Variants in DZIP3 observed in about 807,000 individuals in gnomAD.
DZIP3 encodes DAZ interacting zinc finger protein 3.
In DZIP3, 118 loss-of-function variants were observed where a neutral mutation model predicts 162.0. That is an observed-to-expected ratio of 0.73 (90% CI 0.63 to 0.85). DZIP3 has a LOEUF of 0.85. Ranked by LOEUF, DZIP3 falls within the 40% of genes least tolerant of loss-of-function variation. The pLI is 0.00. For missense variants in DZIP3, 1,331 were observed against 1,407.0 expected (o/e 0.95, Z 0.86); for synonymous variants, 438 against 458.6 (o/e 0.96, Z 0.57).
chr3:108,631,087 T>TCTCTCTCC (rs1941861862), intron 8 of DZIP3, among the ~76,000 whole-genome samples: 2 of 146,862 alleles, frequency 1.4e-5, no homozygotes, highest in Non-Finnish European at 3.0e-5. Context: ...TCTCTCTCTC[T>TCTCTCTCC]CTCTCTCCTA....
At chr3:108,660,699 G>A (rs1370186629) in intron 19 of DZIP3, among the ~76,000 whole-genome samples, 1 of 152,066 alleles carries the variant, frequency 6.6e-6, no homozygotes, top group Admixed American at 6.6e-5. Flanking sequence ...GAGTCAACAG[G>A]CAACCTACAG....
At position 108,693,475 on chromosome 3, in the gene DZIP3, AGTTGTCAAATT is replaced by A. The variant is rs1944777204; in HGVS notation, c.*127_*137del. 1 of 152,156 alleles carries A rather than the reference AGTTGTCAAATT, an allele frequency of 6.6e-6. No individual in the cohort carries two copies. 9.4% of individuals were successfully genotyped at this position (152,156 alleles called of 1,614,324 possible). The stretch of plus-strand genomic sequence containing the variant: ...GTTAGTTTGAGGAATTTTGTGAGAC[AGTTGTCAAATT>A]GTTGCTAGCTTGAAATCTGCGGCAA... On this transcript the variant is annotated 3_prime_UTR_variant, in exon 33 of 33. Transcript: ENST00000361582.
chr3:108,631,055 A>ACACACACACACACACACATATACACTCT, intron 8 of DZIP3, among the ~76,000 whole-genome samples: 1 of 18,014 alleles, frequency 5.6e-5, no homozygotes, highest in Non-Finnish European at 9.0e-5. Flanking sequence ...ACACACACAC[A>ACACACACACACACACACATATACACTCT]CTCTCTCTCT....
At chr3:108,689,651 C>T (rs1944620549) in intron 31 of DZIP3, among the ~76,000 whole-genome samples, 1 of 152,100 alleles carries the variant, frequency 6.6e-6, no homozygotes, top group Non-Finnish European at 1.5e-5. Context: ...CGGGCCCCTG[C>T]ACTCCAGCCT....
intron 28 of DZIP3, 146 bp from the exon 29 acceptor site, chr3:108,687,830 C>CT (rs893783463): frequency 3.9e-6 from 4 of 1,033,348 alleles, no homozygotes; most frequent in Non-Finnish European, 5.6e-6. Flanking sequence ...CCTGTGATCA[C>CT]TTTTTTAGAT....
intron 1 of DZIP3, among the ~76,000 whole-genome samples, chr3:108,591,656 T>C (rs955785564): frequency 1.3e-5 from 2 of 152,194 alleles, no homozygotes; most frequent in Non-Finnish European, 2.9e-5. Flanking sequence ...TTGCATATCC[T>C]AATTTGAGAA....
intron 1 of DZIP3, among the ~76,000 whole-genome samples, chr3:108,590,862 G>C (rs9816505): frequency 6.6e-6 from 1 of 151,992 alleles, no homozygotes; most frequent in Non-Finnish European, 1.5e-5. Flanking sequence ...TCAATAAGTA[G>C]TTCATTGAGA....
intron 4 of DZIP3, among the ~76,000 whole-genome samples, chr3:108,612,528 G>C (rs1940767411): frequency 6.6e-6 from 1 of 152,070 alleles, no homozygotes; most frequent in African/African-American, 2.4e-5. Flanking sequence ...TAGAAGAATA[G>C]TACAGTCATC....
chr3:108,686,515 G>A lies in DZIP3; in HGVS notation c.3080G>A (p.Ser1027Asn). ...DAVPPSAGLR[S>N]DPSIMNWERI... is the part of the protein sequence containing the mutation. The stretch of plus-strand genomic sequence containing the variant: ...GTGCCTCCCAGTGCAGGTCTGCGGA[G>A]TGATCCCTCCATCATGAATTGGGAG... The change falls in exon 28 of 33, where the codon AGT becomes AAT. Residue 1027 changes from serine (S) to asparagine (N), a missense_variant. Coordinates refer to ENST00000361582, the MANE Select transcript of DZIP3 (RefSeq NM_014648.4). 3.7e-6 allele frequency: 6 copies of A among 1,612,768 alleles called. No individual in the cohort carries two copies. Among genetic ancestry groups the A allele is most frequent in the Non-Finnish European group, 5.1e-6 (6 of 1,179,636 alleles).
At chr3:108,662,730 C>G (rs1396872572) in intron 21 of DZIP3, among the ~76,000 whole-genome samples, 1 of 152,132 alleles carries the variant, frequency 6.6e-6, no homozygotes, top group Non-Finnish European at 1.5e-5. Flanking sequence ...CCCCCTTACC[C>G]CAATCTCTTT....
chr3:108,589,590 G>C (rs1186686686), upstream of DZIP3: 2 of 437,422 alleles, frequency 4.6e-6, no homozygotes, highest in African/African-American at 2.0e-5. Context: ...GGTCCAGGAC[G>C]GGGGTTGGGA....
chr3:108,689,216 T>C (rs1272018762), intron 31 of DZIP3, among the ~76,000 whole-genome samples: 1 of 152,166 alleles, frequency 6.6e-6, no homozygotes, highest in African/African-American at 2.4e-5. Flanking sequence ...TCGATTGACG[T>C]GGTAGTTTAG....
At chr3:108,619,407 A>T (rs1941210964) in intron 5 of DZIP3, among the ~76,000 whole-genome samples, 1 of 152,048 alleles carries the variant, frequency 6.6e-6, no homozygotes, top group Admixed American at 6.6e-5. Context: ...TATGTGATTT[A>T]TTATGAGGAA....
chr3:108,657,908 G>C (rs1021040658), intron 19 of DZIP3, among the ~76,000 whole-genome samples: 41 of 152,092 alleles, frequency 2.7e-4, no homozygotes, highest in Non-Finnish European at 5.9e-4. Flanking sequence ...TTTACATAAT[G>C]GTAAAGGGAT....
At chr3:108,690,495 T>C (rs984045102) in intron 31 of DZIP3, among the ~76,000 whole-genome samples, 1 of 152,168 alleles carries the variant, frequency 6.6e-6, no homozygotes, top group Non-Finnish European at 1.5e-5. Flanking sequence ...ATATAGCAAG[T>C]TTCTCCAATT....
chr3:108,597,797 TATA>T (rs1018451491), intron 1 of DZIP3, among the ~76,000 whole-genome samples: 11 of 152,312 alleles, frequency 7.2e-5, no homozygotes, highest in Middle Eastern at 3.4e-3. Flanking sequence ...TTTTTTATGT[TATA>T]ATAATTATGC....
At chr3:108,649,650 A>G (rs1274165363) in intron 17 of DZIP3, among the ~76,000 whole-genome samples, 1 of 151,872 alleles carries the variant, frequency 6.6e-6, no homozygotes, top group Non-Finnish European at 1.5e-5. Context: ...TATATTATAA[A>G]TTGAGTGAGA....
At chr3:108,647,685 T>C (rs1354579499) in intron 15 of DZIP3, among the ~76,000 whole-genome samples, 1 of 152,204 alleles carries the variant, frequency 6.6e-6, no homozygotes. Context: ...CTAGAGTATC[T>C]AATATCTAGA....
chr3:108,661,820 A>G, intron 19 of DZIP3, 57 bp from the exon 20 acceptor site: 1 of 1,453,572 alleles, frequency 6.9e-7, no homozygotes, highest in Non-Finnish European at 9.5e-7. Flanking sequence ...TCCCTTTCAA[A>G]TAACTAAAAT....
Sources: allele counts gnomAD v4.1 joint callset (sites outside exome capture counted in the v4.1 genomes callset), GRCh38; gene constraint gnomAD v4.1.1; transcripts MANE v1.5; gene names NCBI Gene and HGNC (gene_info 2026-07-23, HGNC 2026-07-21).